The following TAFA5 variants were observed in gnomAD, a reference collection of about 807,000 sequenced individuals.
TAFA5 encodes the protein chemokine-like protein TAFA-5.
Under a neutral mutation model 15.3 loss-of-function variants are expected in TAFA5, and 6 were observed. That is an observed-to-expected ratio of 0.39 (90% CI 0.21 to 0.77). TAFA5 has a LOEUF of 0.77. TAFA5 is among the 30% of genes least tolerant of loss of function. TAFA5 has a pLI of 0.41. For missense variants in TAFA5, 161 were observed against 193.1 expected (o/e 0.83, Z 0.98); for synonymous variants, 103 against 80.7 (o/e 1.28, Z -1.48).
Position 48,552,309 on chromosome 22 carries a change from G to C in TAFA5, c.112+62605G>C, listed in dbSNP as rs1167992074. ...ACCCAGGAGTTGGGCTCTGGGCAGG[G>C]AGGAGGGCTTCCTGGAGGCAGTGGC... is the stretch of plus-strand genomic sequence containing the variant. On this transcript the variant is annotated intron_variant, in intron 1 of 3. Transcript: ENST00000402357. This position sits in a 1 kb window ranked among gnomAD's most constrained non-coding sequence, Gnocchi z 4.1. Among the ~76,000 whole-genome samples the C allele has an allele frequency of 6.6e-6, 1 of 152,204 alleles. No homozygotes were observed. Among genetic ancestry groups the C allele is most frequent in the Non-Finnish European group, 1.5e-5 (1 of 68,024 alleles).
chr22:48,519,090 G>A (rs900391898), intron 1 of TAFA5, among the ~76,000 whole-genome samples: 4 of 152,198 alleles, frequency 2.6e-5, no homozygotes, highest in South Asian at 2.1e-4. Flanking sequence ...ACCCCAGGCC[G>A]AGAGCTATAG....
At chr22:48,642,736 G>C (rs915223486) in intron 1 of TAFA5, among the ~76,000 whole-genome samples, 1 of 152,172 alleles carries the variant, frequency 6.6e-6, no homozygotes, top group African/African-American at 2.4e-5. Flanking sequence ...ATGTGTGTGG[G>C]TTGTGTGTGG....
At chr22:48,727,780 T>C (rs557599135) in intron 3 of TAFA5, among the ~76,000 whole-genome samples, 3 of 152,172 alleles carry the variant, frequency 2.0e-5, no homozygotes, top group Admixed American at 2.0e-4. Flanking sequence ...TGAAAGGAAA[T>C]TGAGAGGTAA....
intron 2 of TAFA5, among the ~76,000 whole-genome samples, chr22:48,648,284 C>A (rs1290819167): frequency 6.6e-6 from 1 of 152,168 alleles, no homozygotes; most frequent in Admixed American, 6.5e-5. Context: ...TCTGAGTTTC[C>A]TGACTCTGGT....
At chr22:48,522,364 G>A (rs1163918864) in intron 1 of TAFA5, among the ~76,000 whole-genome samples, 2 of 152,032 alleles carry the variant, frequency 1.3e-5, no homozygotes, top group Non-Finnish European at 2.9e-5. Context: ...AGGCTGGGGG[G>A]ATGCAGACCC....
At chr22:48,744,121 G>T (rs1930259489) in intron 3 of TAFA5, among the ~76,000 whole-genome samples, 1 of 152,200 alleles carries the variant, frequency 6.6e-6, no homozygotes, top group Non-Finnish European at 1.5e-5. Flanking sequence ...CACGGGGGTG[G>T]CCTCGTTCCC....
intron 1 of TAFA5, among the ~76,000 whole-genome samples, chr22:48,517,592 C>T (rs892622376): frequency 6.6e-6 from 1 of 152,314 alleles, no homozygotes; most frequent in Non-Finnish European, 1.5e-5. Flanking sequence ...TGCTCTGTCC[C>T]GCGTACGGGC....
At chr22:48,579,374 C>T (rs1013493169) in intron 1 of TAFA5, among the ~76,000 whole-genome samples, 5 of 152,342 alleles carry the variant, frequency 3.3e-5, no homozygotes, top group Middle Eastern at 3.4e-3. Context: ...CCTTAGGACA[C>T]GCTGACCCTC....
At chr22:48,633,539 C>CCTCTCTCTCTCT (rs1447574341) in intron 1 of TAFA5, among the ~76,000 whole-genome samples, 1 of 128,716 alleles carries the variant, frequency 7.8e-6, no homozygotes, top group Non-Finnish European at 1.7e-5. Flanking sequence ...TCTGTCTCTC[C>CCTCTCTCTCTCT]CTCTCTCTCT....
intron 1 of TAFA5, among the ~76,000 whole-genome samples, chr22:48,540,651 C>A (rs942730258): frequency 4.0e-5 from 6 of 151,278 alleles, no homozygotes; most frequent in African/African-American, 1.5e-4. Flanking sequence ...CCAAGCCTCG[C>A]TTCCTTTTCT....
At chr22:48,579,614 A>G (rs374544850) in intron 1 of TAFA5, among the ~76,000 whole-genome samples, 1 of 152,212 alleles carries the variant, frequency 6.6e-6, no homozygotes, top group South Asian at 2.1e-4. Context: ...AGTTAAGGAA[A>G]CGGCGAGAAG....
At chr22:48,576,237 C>G (rs1923789046) in intron 1 of TAFA5, 1 of 435,062 alleles carries the variant, frequency 2.3e-6, no homozygotes, top group African/African-American at 2.1e-5. Context: ...TTCTGCTAAC[C>G]TCCCCGCCCC....
chr22:48,538,310 C>T (rs769205657), intron 1 of TAFA5, among the ~76,000 whole-genome samples: 10 of 152,184 alleles, frequency 6.6e-5, no homozygotes, highest in African/African-American at 1.2e-4. Flanking sequence ...GGCTGAGGGC[C>T]GCTGCCCCGA....
intron 1 of TAFA5, among the ~76,000 whole-genome samples, chr22:48,581,933 T>C (rs571689356): frequency 2.9e-4 from 44 of 152,280 alleles, no homozygotes; most frequent in African/African-American, 9.9e-4. Flanking sequence ...CACTGCGATC[T>C]GAGCAGACAG....
intron 1 of TAFA5, among the ~76,000 whole-genome samples, chr22:48,602,330 A>T (rs1312408427): frequency 6.6e-6 from 1 of 152,188 alleles, no homozygotes; most frequent in African/African-American, 2.4e-5. Flanking sequence ...GGTCCTGGAC[A>T]TGGGGGCCTG....
Position 48,597,968 on chromosome 22 carries a change from A to G in TAFA5, c.113-48629A>G, listed in dbSNP as rs535537809. ...AGTCCCGGCCCTCCATGGTGGGGGG[A>G]GTGTACCTGTCAGGGTTCTTCAGAG... On this transcript the variant is annotated intron_variant, in intron 1 of 3. Transcript: ENST00000402357. Among the ~76,000 whole-genome samples, 16 of 152,106 alleles carry G rather than the reference A, an allele frequency of 1.1e-4. No individual in the cohort carries two copies. The South Asian group carries it at 3.1e-3, about 30-fold the overall frequency.
intron 2 of TAFA5, among the ~76,000 whole-genome samples, chr22:48,689,664 CAG>C (rs1928476498): frequency 3.4e-5 from 1 of 29,668 alleles, no homozygotes; most frequent in Non-Finnish European, 9.4e-5. Flanking sequence ...CTCGGGCGGA[CAG>C]ACTGGCCTGT....
intron 1 of TAFA5, among the ~76,000 whole-genome samples, chr22:48,533,331 G>C (rs900623742): frequency 1.3e-5 from 2 of 152,174 alleles, no homozygotes; most frequent in African/African-American, 4.8e-5. Context: ...CCAGAATTGT[G>C]GTGTCCAAGC....
chr22:48,691,017 C>T (rs1203490550), intron 2 of TAFA5, among the ~76,000 whole-genome samples: 3 of 152,188 alleles, frequency 2.0e-5, no homozygotes, highest in Non-Finnish European at 4.4e-5. Context: ...GCTTGACCCT[C>T]CTGAGCGCCG....
Sources: gnomAD v4.1 joint callset for allele counts (sites outside exome capture counted in the v4.1 genomes callset) on GRCh38, gnomAD v4.1.1 for gene constraint, Gnocchi (gnomAD v3.1) non-coding constraint, MANE v1.5 for transcripts, NCBI Gene and HGNC (gene_info 2026-07-23, HGNC 2026-07-21) for gene names.